The following KSR2 variants were observed in gnomAD, a reference collection of about 807,000 sequenced individuals.
KSR2 encodes the protein kinase suppressor of ras 2.
KSR2 carries 25 observed loss-of-function variants against 107.8 expected under a neutral mutation model. That is an observed-to-expected ratio of 0.23 (90% CI 0.17 to 0.32). The LOEUF (loss-of-function observed/expected upper bound fraction) is 0.32. KSR2 is among the 10% of genes least tolerant of loss of function. The pLI is 1.00. For synonymous variants in KSR2, 480 were observed against 507.0 expected (o/e 0.95, Z 0.71); for missense variants, 887 against 1,268.9 (o/e 0.70, Z 4.57).
chr12:117,959,922 C>A (rs1311188121), intron 1 of KSR2, among the ~76,000 whole-genome samples: 1 of 151,212 alleles, frequency 6.6e-6, no homozygotes, highest in African/African-American at 2.4e-5. Context: ...CAGAGTGAGA[C>A]CCTGTCTCAA....
chr12:117,580,889 T>G (rs1426670058), intron 6 of KSR2, among the ~76,000 whole-genome samples: 2 of 149,054 alleles, frequency 1.3e-5, no homozygotes, highest in Admixed American at 1.3e-4. Context: ...TGGCTGAGCC[T>G]GGGGCGTAGC....
chr12:117,848,853 A>G (rs202210877), intron 3 of KSR2, among the ~76,000 whole-genome samples: 5 of 96,720 alleles, frequency 5.2e-5, no homozygotes, highest in Non-Finnish European at 8.3e-5. Context: ...GATGGTGATG[A>G]TGGTGATGAT....
chr12:117,537,264 C>T (rs1876119913), intron 10 of KSR2, among the ~76,000 whole-genome samples: 1 of 152,114 alleles, frequency 6.6e-6, no homozygotes, highest in Non-Finnish European at 1.5e-5. Flanking sequence ...AAATTACCTT[C>T]CCCAAATGTT....
intron 1 of KSR2, among the ~76,000 whole-genome samples, chr12:117,955,977 G>A (rs374031459): frequency 2.7e-4 from 41 of 151,818 alleles, no homozygotes; most frequent in African/African-American, 8.2e-4. Flanking sequence ...CCAGCCAGGC[G>A]CAGTGGTTCA....
intron 3 of KSR2, among the ~76,000 whole-genome samples, chr12:117,848,903 G>T (rs528636964): frequency 1.4e-5 from 2 of 141,852 alleles, no homozygotes; most frequent in Non-Finnish European, 3.2e-5. Context: ...TGGTGGTGGT[G>T]ATTTGCCTGT....
At chr12:117,871,999 C>A (rs1893669841) in intron 1 of KSR2, among the ~76,000 whole-genome samples, 1 of 152,154 alleles carries the variant, frequency 6.6e-6, no homozygotes, top group South Asian at 2.1e-4. Context: ...TAGTAAGTTA[C>A]AAATCACTTG....
At position 117,458,492 on chromosome 12, in the gene KSR2, G is replaced by C. The variant is rs1206710683; in HGVS notation, c.*8707C>G. On this transcript the variant is annotated 3_prime_UTR_variant, in exon 20 of 20. Transcript: ENST00000339824. ...AATTTAAGAAGGCGCGATGCAAATA[G>C]CATGTTGGCATAAACAAGTGCTGCC... is the stretch of plus-strand genomic sequence containing the variant. The C allele has an allele frequency of 6.6e-6, 1 of 152,040 alleles. No individual in the cohort carries two copies. The highest frequency in any genetic ancestry group is 1.5e-5 in the Non-Finnish European group (1 of 68,022). 9.4% of individuals were successfully genotyped at this position (152,040 alleles called of 1,614,324 possible). A position where few individuals can be genotyped will look rare whatever the true frequency, so the allele number is the denominator to read the frequency against.
intron 1 of KSR2, among the ~76,000 whole-genome samples, chr12:117,874,509 AG>A (rs1206703452): frequency 6.6e-6 from 1 of 152,172 alleles, no homozygotes; most frequent in Non-Finnish European, 1.5e-5. Context: ...CTGGAATTAC[AG>A]GCATGAGCCA....
intron 14 of KSR2, among the ~76,000 whole-genome samples, chr12:117,497,023 G>A (rs950869798): frequency 1.3e-5 from 2 of 151,610 alleles, no homozygotes; most frequent in Non-Finnish European, 2.9e-5. Flanking sequence ...TGGTACAGGT[G>A]TGTACCACCA....
chr12:117,857,955 A>T (rs1484397153), intron 2 of KSR2, among the ~76,000 whole-genome samples: 1 of 152,222 alleles, frequency 6.6e-6, no homozygotes, highest in African/African-American at 2.4e-5. Context: ...CAAGATGCTC[A>T]GTGACTAAGG....
intron 1 of KSR2, among the ~76,000 whole-genome samples, chr12:117,942,181 T>C (rs1358753080): frequency 2.6e-5 from 4 of 152,216 alleles, no homozygotes; most frequent in African/African-American, 9.6e-5. Flanking sequence ...GTAACTAGAA[T>C]ATTCATCACC....
In KSR2 at chr12:117,456,699, C is replaced by T. The variant is rs767179797; in HGVS notation, c.*10500G>A. The T allele has an allele frequency of 1.3e-5, 2 of 152,212 alleles. No homozygotes were observed. The highest frequency in any genetic ancestry group is 2.1e-4 in the South Asian group (1 of 4,824). The allele number at this position is 152,212 out of a possible 1,614,324, so 9.4% of individuals were successfully genotyped here. A position where few individuals can be genotyped will look rare whatever the true frequency, so the allele number is the denominator to read the frequency against. On this transcript the variant is annotated 3_prime_UTR_variant, in exon 20 of 20. Coordinates refer to ENST00000339824, the MANE Select transcript of KSR2 (RefSeq NM_173598.6). Reference sequence around the variant, plus strand: ...CGTCCTCTCTGTTACCCTTCCCAATCCTGGGACTGCCGGAAGCTCCAGGGA... The same window carrying T: ...CGTCCTCTCTGTTACCCTTCCCAATTCTGGGACTGCCGGAAGCTCCAGGGA...
rs190399648 is a variant in KSR2 at position 117,625,016 on chromosome 12, G to A, written c.1171+42458C>T. Reference sequence around the variant, plus strand: ...TTTGGCTCTCCGTTTGTCTGTTAATGGTGTATAGGAATGCTTGTGATTTTT... The same window carrying A: ...TTTGGCTCTCCGTTTGTCTGTTAATAGTGTATAGGAATGCTTGTGATTTTT... On this transcript the variant is annotated intron_variant, in intron 5 of 19. Coordinates refer to ENST00000339824, the MANE Select transcript of KSR2 (RefSeq NM_173598.6). 2.0e-5 allele frequency among the ~76,000 whole-genome samples: 3 copies of A among 152,260 alleles called. No homozygotes were observed. In the East Asian group the frequency reaches 5.8e-4, roughly 29 times the overall value.
At chr12:117,616,543 C>T (rs1018533297) in intron 5 of KSR2, among the ~76,000 whole-genome samples, 3 of 152,204 alleles carry the variant, frequency 2.0e-5, no homozygotes, top group Admixed American at 1.3e-4. Flanking sequence ...AAATCACTCT[C>T]TCCTTGGGGT....
chr12:117,739,453 A>G (rs1490186197), intron 4 of KSR2, among the ~76,000 whole-genome samples: 1 of 152,246 alleles, frequency 6.6e-6, no homozygotes, highest in Non-Finnish European at 1.5e-5. Flanking sequence ...CAGCTCCATT[A>G]TAATCGTAGA....
intron 3 of KSR2, among the ~76,000 whole-genome samples, chr12:117,801,836 C>T (rs931477850): frequency 1.2e-5 from 1 of 86,660 alleles, no homozygotes. Flanking sequence ...CAGGAAGTAC[C>T]GTGGGGGGAA....
chr12:117,949,728 G>A (rs1386315852), intron 1 of KSR2, among the ~76,000 whole-genome samples: 1 of 152,160 alleles, frequency 6.6e-6, no homozygotes, highest in African/African-American at 2.4e-5. Context: ...GGTGGAAAAA[G>A]AATCAGAAAA....
At chr12:117,925,367 G>A (rs1331734824) in intron 1 of KSR2, among the ~76,000 whole-genome samples, 2 of 151,610 alleles carry the variant, frequency 1.3e-5, no homozygotes, top group Non-Finnish European at 2.9e-5. Context: ...CAAGCAGTCC[G>A]CCCACCTCAG....
intron 4 of KSR2, among the ~76,000 whole-genome samples, chr12:117,673,312 G>A (rs926501286): frequency 2.0e-5 from 3 of 152,062 alleles, no homozygotes; most frequent in African/African-American, 7.2e-5. Flanking sequence ...TGGGAGGATG[G>A]GAACACAGAT....
Sources: allele counts gnomAD v4.1 joint callset (sites outside exome capture counted in the v4.1 genomes callset), GRCh38; gene constraint gnomAD v4.1.1; transcripts MANE v1.5; gene names NCBI Gene and HGNC (gene_info 2026-07-23, HGNC 2026-07-21).